OXR1: variants seen among roughly 807,000 people sequenced by gnomAD.
OXR1 encodes oxidation resistance protein 1.
In OXR1, 41 loss-of-function variants were observed where a neutral mutation model predicts 104.6. The observed-to-expected ratio is 0.39, with a 90% CI of 0.31 to 0.51. The LOEUF (loss-of-function observed/expected upper bound fraction) is 0.51, where lower values mean the gene tolerates loss of function less well. Ranked by LOEUF, OXR1 falls within the 20% of genes least tolerant of loss-of-function variation. The pLI is 0.77. For synonymous variants in OXR1, 348 were observed against 348.4 expected (o/e 1.00, Z 0.01); for missense variants, 955 against 1,031.9 (o/e 0.93, Z 1.02).
intron 1 of OXR1, chr8:106,271,875 G>A (rs1216483333): frequency 6.6e-6 from 1 of 152,200 alleles, no homozygotes; most frequent in Non-Finnish European, 1.5e-5. Context: ...AGTCCCGGCC[G>A]TCAGAGGGGT....
intron 2 of OXR1, among the ~76,000 whole-genome samples, chr8:106,512,679 T>C (rs1214059539): frequency 6.6e-6 from 1 of 152,064 alleles, no homozygotes; most frequent in African/African-American, 2.4e-5. Context: ...TATTAAGAGA[T>C]GCAGAGCATG....
chr8:106,583,918 T>G (rs1017011401), intron 3 of OXR1, among the ~76,000 whole-genome samples: 1 of 152,136 alleles, frequency 6.6e-6, no homozygotes, highest in African/African-American at 2.4e-5. Context: ...TAGTGTCTTG[T>G]TCTTAAATGG....
chr8:106,291,524 C>G (rs2130042110), intron 1 of OXR1, among the ~76,000 whole-genome samples: 1 of 152,332 alleles, frequency 6.6e-6, no homozygotes, highest in African/African-American at 2.4e-5. Context: ...GCACATACAG[C>G]AGTCTCCCAC....
rs143276757 is a variant in OXR1, at chr8:106,499,952, G to A, written c.24-18991G>A. On this transcript the variant is annotated intron_variant, in intron 2 of 16. Transcript: ENST00000517566. ...TCTGTGGCCTGTGACGCTGAGAAGT[G>A]AATGCTAAATATGTAGTCACTGAGC... Among the ~76,000 whole-genome samples, 59 of 152,308 alleles carry A rather than the reference G, an allele frequency of 3.9e-4. No individual in the cohort carries two copies. In the East Asian group the frequency reaches 0.011, roughly 28 times the overall value.
At chr8:106,549,863 A>G in intron 3 of OXR1, among the ~76,000 whole-genome samples, 1 of 152,138 alleles carries the variant, frequency 6.6e-6, no homozygotes, top group East Asian at 1.9e-4. Flanking sequence ...TTAAGTGTCA[A>G]CATATGACTT....
chr8:106,326,978 C>T lies in OXR1; in HGVS notation c.-138-32498C>T, dbSNP rs540662192. On this transcript the variant is annotated intron_variant, in intron 1 of 16. Transcript: ENST00000517566. ...ACTTCCTTTATGAGAGAAATCATTA[C>T]ATTATTTTAATTTTTAGGAAAATTC... Among the ~76,000 whole-genome samples, 34 of 152,268 alleles carry T rather than the reference C, an allele frequency of 2.2e-4. No individual in the cohort carries two copies. The East Asian group carries it at 6.6e-3, about 29-fold the overall frequency.
intron 3 of OXR1, among the ~76,000 whole-genome samples, chr8:106,609,654 T>A (rs1271066860): frequency 6.6e-6 from 1 of 152,154 alleles, no homozygotes; most frequent in Non-Finnish European, 1.5e-5. Flanking sequence ...AGAATGCAGA[T>A]GACAGATTAC....
chr8:106,698,332 T>C (rs1563721301), intron 7 of OXR1, among the ~76,000 whole-genome samples: 2 of 152,222 alleles, frequency 1.3e-5, no homozygotes, highest in Admixed American at 1.3e-4. Flanking sequence ...GTTCTATTTA[T>C]CACTGATTTT....
chr8:106,423,318 C>T (rs1018742723), intron 2 of OXR1, among the ~76,000 whole-genome samples: 7 of 152,114 alleles, frequency 4.6e-5, no homozygotes, highest in African/African-American at 1.4e-4. Flanking sequence ...AATATTTGTT[C>T]GAAAATGCAG....
chr8:106,514,366 T>C (rs1478351165), intron 2 of OXR1, among the ~76,000 whole-genome samples: 1 of 152,146 alleles, frequency 6.6e-6, no homozygotes, highest in Admixed American at 6.6e-5. Context: ...TTAGAATTGT[T>C]AGCCAGTAAT....
chr8:106,448,781 A>T (rs114991932), intron 2 of OXR1, among the ~76,000 whole-genome samples: 2,066 of 152,232 alleles, frequency 0.014, 49 homozygotes, highest in African/African-American at 0.047. Context: ...GCAGAAATCT[A>T]CCACCCCCAG....
chr8:106,377,225 T>A (rs369529845), intron 2 of OXR1, among the ~76,000 whole-genome samples: 1 of 152,114 alleles, frequency 6.6e-6, no homozygotes, highest in Non-Finnish European at 1.5e-5. Flanking sequence ...CCCCTCTCGC[T>A]CAGGCTAGAG....
chr8:106,609,191 T>C (rs1398887495), intron 3 of OXR1, among the ~76,000 whole-genome samples: 2 of 152,068 alleles, frequency 1.3e-5, no homozygotes, highest in African/African-American at 4.8e-5. Flanking sequence ...AGAGGATCGC[T>C]TGAGCCCAGG....
chr8:106,669,821 T>C (rs1299733723), intron 3 of OXR1, among the ~76,000 whole-genome samples: 1 of 152,198 alleles, frequency 6.6e-6, no homozygotes, highest in Non-Finnish European at 1.5e-5. Flanking sequence ...TTTTAAAGGT[T>C]TTATACTGCT....
At chr8:106,569,900 G>A in intron 3 of OXR1, among the ~76,000 whole-genome samples, 1 of 152,150 alleles carries the variant, frequency 6.6e-6, no homozygotes, top group Non-Finnish European at 1.5e-5. Flanking sequence ...TGTCTGTGTG[G>A]GAGCTGTTTT....
At chr8:106,650,982 C>G (rs1824522899) in intron 3 of OXR1, among the ~76,000 whole-genome samples, 1 of 152,102 alleles carries the variant, frequency 6.6e-6, no homozygotes, top group African/African-American at 2.4e-5. Flanking sequence ...TTATTTTCAA[C>G]ATTTTGCTAT....
At chr8:106,293,629 C>T (rs1054636124) in intron 1 of OXR1, among the ~76,000 whole-genome samples, 2 of 152,188 alleles carry the variant, frequency 1.3e-5, no homozygotes, top group Non-Finnish European at 2.9e-5. Context: ...TATTCTCTCT[C>T]ATGATTCTTG....
chr8:106,693,319 C>T (rs1214656337), intron 7 of OXR1, among the ~76,000 whole-genome samples: 2 of 150,560 alleles, frequency 1.3e-5, no homozygotes, highest in Non-Finnish European at 2.9e-5. Context: ...AATAGGCAGT[C>T]ATATTTCTTT....
chr8:106,664,200 G>C (rs1563681336), intron 3 of OXR1, among the ~76,000 whole-genome samples: 1 of 152,212 alleles, frequency 6.6e-6, no homozygotes, highest in Admixed American at 6.5e-5. Context: ...CAGGATAGCT[G>C]ATAGGAAGTT....
Sources: allele counts gnomAD v4.1 joint callset (sites outside exome capture counted in the v4.1 genomes callset), GRCh38; gene constraint gnomAD v4.1.1; transcripts MANE v1.5; gene names NCBI Gene and HGNC (gene_info 2026-07-23, HGNC 2026-07-21).